The following ZFPM2 variants were observed in gnomAD, a reference collection of about 807,000 sequenced individuals.
The protein encoded by ZFPM2 is zinc finger protein ZFPM2.
Under a neutral mutation model 98.6 loss-of-function variants are expected in ZFPM2, and 20 were observed. The observed-to-expected ratio is 0.20, with a 90% CI of 0.14 to 0.29. ZFPM2 has a LOEUF of 0.29. Ranked by LOEUF, ZFPM2 falls within the 10% of genes least tolerant of loss-of-function variation. ZFPM2 has a pLI of 1.00. For synonymous variants in ZFPM2, 518 were observed against 502.7 expected (o/e 1.03, Z -0.41); for missense variants, 1,310 against 1,388.6 (o/e 0.94, Z 0.90).
At chr8:105,758,177 AAAG>A (rs1041998317) in intron 5 of ZFPM2, among the ~76,000 whole-genome samples, 9 of 152,142 alleles carry the variant, frequency 5.9e-5, no homozygotes, top group African/African-American at 1.9e-4. Context: ...TGTGAACACC[AAAG>A]AAGACCCAAG....
At chr8:105,390,432 G>A (rs1452110133) in intron 1 of ZFPM2, among the ~76,000 whole-genome samples, 4 of 152,178 alleles carry the variant, frequency 2.6e-5, no homozygotes, top group African/African-American at 7.2e-5. Flanking sequence ...TAGAGCTTTC[G>A]TGTATTCTCA....
At chr8:105,761,977 G>A (rs375951085) in intron 5 of ZFPM2, among the ~76,000 whole-genome samples, 3 of 151,878 alleles carry the variant, frequency 2.0e-5, no homozygotes, top group South Asian at 2.1e-4. Flanking sequence ...AAAAGTTGCA[G>A]ATTCTTTTTG....
At chr8:105,429,603 T>A (rs995355314) in intron 2 of ZFPM2, among the ~76,000 whole-genome samples, 4 of 151,568 alleles carry the variant, frequency 2.6e-5, no homozygotes, top group Admixed American at 6.6e-5. Context: ...CATTCTGTAC[T>A]CCTATATTCT....
intron 4 of ZFPM2, among the ~76,000 whole-genome samples, chr8:105,626,525 T>C (rs1816658661): frequency 6.6e-6 from 1 of 152,116 alleles, no homozygotes. Context: ...CATTTTTTCA[T>C]TTAAATGTGG....
chr8:105,352,164 G>A (rs779859562), intron 1 of ZFPM2, among the ~76,000 whole-genome samples: 9 of 152,174 alleles, frequency 5.9e-5, no homozygotes, highest in Non-Finnish European at 1.2e-4. Flanking sequence ...TTGGAACTAA[G>A]CCTTGGTTAC....
intron 1 of ZFPM2, among the ~76,000 whole-genome samples, chr8:105,364,678 C>G (rs1279786613): frequency 6.6e-6 from 1 of 151,538 alleles, no homozygotes; most frequent in Non-Finnish European, 1.5e-5. Context: ...AAAAATGGAT[C>G]CTTAGTTTTA....
intron 4 of ZFPM2, among the ~76,000 whole-genome samples, chr8:105,580,648 T>G (rs988576057): frequency 3.9e-5 from 6 of 152,104 alleles, no homozygotes; most frequent in Non-Finnish European, 8.8e-5. Flanking sequence ...TTTTTCATTC[T>G]CAGTGATTAT....
chr8:105,393,388 T>TTTTTTTTGAGATGGAG (rs1811157467), intron 1 of ZFPM2, among the ~76,000 whole-genome samples: 1 of 148,542 alleles, frequency 6.7e-6, no homozygotes. Flanking sequence ...CTTTCTTTCT[T>TTTTTTTTGAGATGGAG]TCTTCTTCAG....
rs138438400 is a variant in ZFPM2 at position 105,353,569 on chromosome 8, T to C, written c.40+34588T>C. Among the ~76,000 whole-genome samples, 806 of 152,346 alleles carry C rather than the reference T, an allele frequency of 5.3e-3. 6 individuals are homozygous for C. The highest frequency in any genetic ancestry group is 0.018 in the African/African-American group (748 of 41,588). On this transcript the variant is annotated intron_variant, in intron 1 of 7. Transcript: ENST00000407775. ...TGGAATGTAAATTCCATTAGAACTG[T>C]GACTCTTTTATTTTTTGGCTACATC...
chr8:105,500,159 T>A (rs1046409823), intron 3 of ZFPM2, among the ~76,000 whole-genome samples: 2 of 152,210 alleles, frequency 1.3e-5, no homozygotes, highest in Non-Finnish European at 2.9e-5. Flanking sequence ...TGTGTGTTTA[T>A]AATTGTGATA....
chr8:105,398,654 G>A (rs1000518947), intron 1 of ZFPM2, among the ~76,000 whole-genome samples: 2 of 152,056 alleles, frequency 1.3e-5, no homozygotes, highest in Admixed American at 6.6e-5. Flanking sequence ...AGGGTTCATG[G>A]TCTTGTCAGA....
intron 1 of ZFPM2, among the ~76,000 whole-genome samples, chr8:105,379,006 AC>A (rs1425641453): frequency 6.6e-6 from 1 of 152,174 alleles, no homozygotes; most frequent in Non-Finnish European, 1.5e-5. Flanking sequence ...ATAGGTAGAT[AC>A]GTAGGTAGAT....
chr8:105,599,149 T>C (rs1258406372), intron 4 of ZFPM2, among the ~76,000 whole-genome samples: 2 of 152,066 alleles, frequency 1.3e-5, no homozygotes, highest in African/African-American at 4.8e-5. Flanking sequence ...AAGGCCACCT[T>C]GCTCTCTTGA....
At chr8:105,652,459 A>C (rs776344447) in intron 5 of ZFPM2, among the ~76,000 whole-genome samples, 10 of 151,502 alleles carry the variant, frequency 6.6e-5, no homozygotes, top group Admixed American at 5.3e-4. Flanking sequence ...GAGTATTCCA[A>C]TCAAGGAAAT....
At chr8:105,492,032 A>G (rs1452642984) in intron 3 of ZFPM2, among the ~76,000 whole-genome samples, 2 of 152,170 alleles carry the variant, frequency 1.3e-5, no homozygotes, top group African/African-American at 4.8e-5. Flanking sequence ...ACTCATTCTC[A>G]ATTCTTCTTT....
intron 5 of ZFPM2, among the ~76,000 whole-genome samples, chr8:105,698,897 A>G (rs1343460321): frequency 6.6e-6 from 1 of 152,152 alleles, no homozygotes; most frequent in African/African-American, 2.4e-5. Context: ...ATTCCCATAC[A>G]ATCAAAATCA....
chr8:105,751,155 G>A (rs1456980841), intron 5 of ZFPM2, among the ~76,000 whole-genome samples: 1 of 151,990 alleles, frequency 6.6e-6, no homozygotes, highest in Non-Finnish European at 1.5e-5. Context: ...TTAAACATTT[G>A]TACTAATGCT....
chr8:105,796,463 A>C (rs1813819277), intron 6 of ZFPM2, among the ~76,000 whole-genome samples: 1 of 152,208 alleles, frequency 6.6e-6, no homozygotes, highest in Non-Finnish European at 1.5e-5. Flanking sequence ...GTGTAAATGA[A>C]ATTAACTTGG....
At chr8:105,514,870 C>T (rs55869822) in intron 3 of ZFPM2, among the ~76,000 whole-genome samples, 9,221 of 152,204 alleles carry the variant, frequency 0.061, 328 homozygotes, top group East Asian at 0.17. Flanking sequence ...AACTTAATAT[C>T]GAGCCTGCAC....
Sources: allele counts gnomAD v4.1 joint callset (sites outside exome capture counted in the v4.1 genomes callset), GRCh38; gene constraint gnomAD v4.1.1; transcripts MANE v1.5; gene names NCBI Gene and HGNC (gene_info 2026-07-23, HGNC 2026-07-21).